The following IL19 variants were observed in gnomAD, a reference collection of about 807,000 sequenced individuals.
The protein encoded by IL19 is interleukin-19.
In IL19, 15 loss-of-function variants were observed where a neutral mutation model predicts 19.5. The observed-to-expected ratio is 0.77, with a 90% CI of 0.52 to 1.19. The LOEUF (loss-of-function observed/expected upper bound fraction) is 1.19. Ranked by LOEUF, IL19 falls within the 50% of genes most tolerant of loss-of-function variation. The probability of loss-of-function intolerance (pLI) is 0.00; values close to 1 mark genes in which losing one functional copy is unlikely to be tolerated. For synonymous variants in IL19, 78 were observed against 78.3 expected, an observed-to-expected ratio of 1.00 and a Z score of 0.02; for missense variants, 199 against 213.1, an observed-to-expected ratio of 0.93 and a Z score of 0.41.
chr1:206,831,283 G>A (rs563999048), intron 2 of IL19, among the ~76,000 whole-genome samples: 2 of 152,088 alleles, frequency 1.3e-5, no homozygotes, highest in Non-Finnish European at 2.9e-5. Flanking sequence ...ATTCTGGCTC[G>A]CCAATCTTCC....
intron 5 of IL19, 160 bp downstream of exon 5, chr1:206,840,162 C>A: frequency 1.2e-6 from 1 of 813,030 alleles, no homozygotes; most frequent in Non-Finnish European, 2.1e-6. Context: ...CTCCCAGTGG[C>A]CACTGCTTCC....
chr1:206,827,352 C>G (rs975746208), intron 2 of IL19, among the ~76,000 whole-genome samples: 1 of 152,026 alleles, frequency 6.6e-6, no homozygotes, highest in East Asian at 1.9e-4. Context: ...TTACTTTTGT[C>G]TCTAATTTTG....
chr1:206,795,340 A>G (rs1313930240), intron 1 of IL19, among the ~76,000 whole-genome samples: 1 of 152,214 alleles, frequency 6.6e-6, no homozygotes, highest in African/African-American at 2.4e-5. Context: ...TCATATACAC[A>G]AGTTGCCTTT....
rs979977908 is a variant in IL19 at position 206,830,074 on chromosome 1, C to T, written c.-2-6587C>T. 2.6e-5 allele frequency among the ~76,000 whole-genome samples: 4 copies of T among 152,156 alleles called. No homozygotes were observed. In the East Asian group the frequency reaches 7.7e-4, roughly 29 times the overall value. On this transcript the variant is annotated intron_variant, in intron 2 of 6. Transcript: ENST00000659997. Reference sequence around the variant, plus strand: ...TCTGCTGAATGGGCTTGAGGTTCCTCACAAGTCTAGGTTCCTTTCCACTCT... The same window carrying T: ...TCTGCTGAATGGGCTTGAGGTTCCTTACAAGTCTAGGTTCCTTTCCACTCT...
Position 206,834,155 on chromosome 1 carries a change from C to A in IL19, c.-2-2506C>A, listed in dbSNP as rs1676705751. The A allele has an allele frequency of 7.1e-6, 7 of 985,162 alleles. No individual in the cohort carries two copies. In the South Asian group the frequency reaches 3.3e-4, roughly 46 times the overall value. The allele number at this position is 985,162 out of a possible 1,614,324, so 61.0% of individuals were successfully genotyped here. A position where few individuals can be genotyped will look rare whatever the true frequency, so the allele number is the denominator to read the frequency against. On this transcript the variant is annotated intron_variant, in intron 2 of 6. Transcript: ENST00000659997. ...TTTTCCTAGAAGCTGCATGTCAAGACCCAGAAGAAAGAGGCATTTCATAAT... is the reference window on the plus strand; with the variant it reads ...TTTTCCTAGAAGCTGCATGTCAAGAACCAGAAGAAAGAGGCATTTCATAAT...
At chr1:206,793,223 A>G (rs552848368) in intron 1 of IL19, among the ~76,000 whole-genome samples, 1 of 152,324 alleles carries the variant, frequency 6.6e-6, no homozygotes, top group African/African-American at 2.4e-5. Context: ...ATAGCTTCTG[A>G]CATTTCAGTC....
At chr1:206,835,847 A>G (rs1676772040) in intron 2 of IL19, among the ~76,000 whole-genome samples, 1 of 152,270 alleles carries the variant, frequency 6.6e-6, no homozygotes, top group African/African-American at 2.4e-5. Flanking sequence ...CTCTGTGCGC[A>G]TTATGTGGCA....
chr1:206,820,461 A>C (rs530903105), intron 2 of IL19, among the ~76,000 whole-genome samples: 1 of 152,344 alleles, frequency 6.6e-6, no homozygotes, highest in African/African-American at 2.4e-5. Context: ...TTAGCCAAAC[A>C]ATGTTTGCTT....
At chr1:206,840,157 A>T in intron 5 of IL19, 155 bp downstream of exon 5, 3 of 839,626 alleles carry the variant, frequency 3.6e-6, no homozygotes, top group Non-Finnish European at 6.0e-6. Context: ...AACCTCTCCC[A>T]GTGGCCACTG....
chr1:206,799,046 A>T, intron 2 of IL19, 40 bp downstream of exon 2: 1 of 1,325,598 alleles, frequency 7.5e-7, no homozygotes, highest in Non-Finnish European at 1.1e-6. Flanking sequence ...ATGTGGAGCC[A>T]TTCTCTGGGA....
chr1:206,838,389 A>C (rs146354221), intron 4 of IL19, among the ~76,000 whole-genome samples: 76 of 152,356 alleles, frequency 5.0e-4, no homozygotes, highest in African/African-American at 1.8e-3. Flanking sequence ...GTTTCTCTGC[A>C]TACGTGAGAG....
intron 2 of IL19, among the ~76,000 whole-genome samples, chr1:206,808,349 A>C (rs2102465614): frequency 6.6e-6 from 1 of 152,320 alleles, no homozygotes; most frequent in Non-Finnish European, 1.5e-5. Flanking sequence ...AAACAACAAC[A>C]AAAAACAAAC....
chr1:206,793,804 C>A (rs1450159478), intron 1 of IL19, among the ~76,000 whole-genome samples: 2 of 152,242 alleles, frequency 1.3e-5, no homozygotes, highest in African/African-American at 2.4e-5. Context: ...TATGATAACA[C>A]CTCGGTGGCT....
chr1:206,839,812 G>A (rs745856089), intron 4 of IL19, 38 bp from the exon 5 acceptor site: 15 of 1,567,400 alleles, frequency 9.6e-6, no homozygotes, highest in Non-Finnish European at 9.5e-6. Context: ...CATAATGAGA[G>A]AAGAGGCCTC....
chr1:206,779,168 C>T (rs933927823), intron 1 of IL19, among the ~76,000 whole-genome samples: 3 of 152,312 alleles, frequency 2.0e-5, no homozygotes, highest in Admixed American at 6.5e-5. Context: ...TGGTTGCTCT[C>T]CCAGGCTCGT....
intron 2 of IL19, among the ~76,000 whole-genome samples, chr1:206,832,562 C>T (rs1256295635): frequency 6.6e-6 from 1 of 152,178 alleles, no homozygotes; most frequent in East Asian, 1.9e-4. Flanking sequence ...GCTGATTAAT[C>T]ATTATTATGA....
chr1:206,807,716 CA>C (rs67391201), intron 2 of IL19, among the ~76,000 whole-genome samples: 42,771 of 152,022 alleles, frequency 0.28, 6,755 homozygotes, highest in East Asian at 0.67. Flanking sequence ...ATGAACCCCA[CA>C]AAAGCAGGGA....
intron 1 of IL19, among the ~76,000 whole-genome samples, chr1:206,783,490 G>T (rs1329012869): frequency 6.6e-6 from 1 of 152,154 alleles, no homozygotes; most frequent in African/African-American, 2.4e-5. Context: ...TTGAATTCAG[G>T]TGCCTCAAGC....
At chr1:206,811,921 A>C (rs561729541) in intron 2 of IL19, among the ~76,000 whole-genome samples, 1 of 152,360 alleles carries the variant, frequency 6.6e-6, no homozygotes, top group South Asian at 2.1e-4. Flanking sequence ...AGCTGTGACT[A>C]CAAAATATGG....
Sources: allele counts gnomAD v4.1 joint callset (sites outside exome capture counted in the v4.1 genomes callset), GRCh38; gene constraint gnomAD v4.1.1; transcripts MANE v1.5; gene names NCBI Gene and HGNC (gene_info 2026-07-23, HGNC 2026-07-21).